The following TEK variants were observed in gnomAD, a reference collection of about 807,000 sequenced individuals.
TEK encodes TEK receptor tyrosine kinase.
TEK carries 43 observed loss-of-function variants against 131.8 expected under a neutral mutation model. The observed-to-expected ratio is 0.33, with a 90% CI of 0.26 to 0.42. The LOEUF (loss-of-function observed/expected upper bound fraction) is 0.42. TEK is among the 10% of genes least tolerant of loss of function. TEK has a pLI of 1.00. For synonymous variants in TEK, 580 were observed against 491.6 expected (o/e 1.18, Z -2.38); for missense variants, 1,162 against 1,384.4 (o/e 0.84, Z 2.55).
Position 27,229,910 on chromosome 9 carries a change from A to C in TEK, c.*678A>C, listed in dbSNP as rs1332478624. On this transcript the variant is annotated 3_prime_UTR_variant, in exon 23 of 23. Transcript: ENST00000380036. The stretch of plus-strand genomic sequence containing the variant: ...TTACAAGCCTAAGAATCTTTAGAGA[A>C]GTATACATAAGTTTAGGATAAAATA... 6.6e-6 allele frequency: 1 copy of C among 152,426 alleles called. No homozygotes were observed. Among genetic ancestry groups the C allele is most frequent in the Non-Finnish European group, 1.5e-5 (1 of 68,182 alleles). 9.4% of individuals were successfully genotyped at this position (152,426 alleles called of 1,614,324 possible).
intron 1 of TEK, among the ~76,000 whole-genome samples, chr9:27,123,191 AGGGAGATGGGGCG>A (rs1341770003): frequency 6.7e-6 from 1 of 149,486 alleles, no homozygotes; most frequent in Non-Finnish European, 1.5e-5. Flanking sequence ...GTGGGAAGGG[AGGGAGATGGGGCG>A]GGTAAGCATA....
At chr9:27,190,452 A>G (rs1293435914) in intron 9 of TEK, 77 bp from the exon 10 acceptor site, 12 of 1,572,000 alleles carry the variant, frequency 7.6e-6, no homozygotes, top group Non-Finnish European at 1.0e-5. Context: ...TGTAAAACAT[A>G]TCTTCTACCT....
intron 1 of TEK, among the ~76,000 whole-genome samples, chr9:27,117,931 C>T (rs1821632629): frequency 6.6e-6 from 1 of 152,176 alleles, no homozygotes; most frequent in Non-Finnish European, 1.5e-5. Flanking sequence ...CCTCCAGATA[C>T]AATAGGCGGA....
intron 1 of TEK, among the ~76,000 whole-genome samples, chr9:27,129,816 C>T (rs753228254): frequency 6.6e-6 from 1 of 152,152 alleles, no homozygotes; most frequent in Non-Finnish European, 1.5e-5. Flanking sequence ...AGACCCTAGA[C>T]CAGGCTCTGG....
intron 2 of TEK, 127 bp from the exon 3 acceptor site, chr9:27,168,368 T>G (rs1389393011): frequency 1.5e-5 from 11 of 731,990 alleles, no homozygotes; most frequent in Admixed American, 6.1e-5. Context: ...ACCACTGTTT[T>G]TCACCTTCCA....
Position 27,229,154 on chromosome 9 carries a change from C to G in TEK, c.3301-4C>G, listed in dbSNP as rs1826460341. 2 of 1,613,618 alleles carry G rather than the reference C, an allele frequency of 1.2e-6. 1 individual carries two copies. Among genetic ancestry groups the G allele is most frequent in the Non-Finnish European group, 1.7e-6 (2 of 1,179,604 alleles). ...ATGTCTCTGAACCATTTTCATTCTTCCAGACCTACGTGAATACCACGCTTT... is the reference window on the plus strand; with the variant it reads ...ATGTCTCTGAACCATTTTCATTCTTGCAGACCTACGTGAATACCACGCTTT... On this transcript the variant is annotated splice_polypyrimidine_tract_variant and splice_region_variant and intron_variant, in intron 22 of 22. Coordinates refer to ENST00000380036, the MANE Select transcript of TEK (RefSeq NM_000459.5).
rs760658410 is a variant in TEK, at chr9:27,218,826, CTA to C, written c.3103+11_3103+12del. On this transcript the variant is annotated intron_variant, in intron 20 of 22. Transcript: ENST00000380036. ...GGAGATTGTTAGCTTAGGTGAGTAT[CTA>C]TGTTTATCTACCAGGTGAGACTCTA... The C allele has an allele frequency of 2.5e-6, 4 of 1,613,496 alleles. No homozygotes were observed. Among genetic ancestry groups the C allele is most frequent in the Admixed American group, 1.7e-5 (1 of 59,998 alleles).
intron 21 of TEK, among the ~76,000 whole-genome samples, chr9:27,222,138 C>CAGAT (rs1193966392): frequency 6.6e-6 from 1 of 152,070 alleles, no homozygotes; most frequent in Non-Finnish European, 1.5e-5. Context: ...GAAAGGATAT[C>CAGAT]AGATACTGAA....
chr9:27,203,124 G>C lies in TEK; in HGVS notation c.2209+5G>C. The C allele has an allele frequency of 6.2e-7, 1 of 1,613,946 alleles. No individual in the cohort carries two copies. The highest frequency in any genetic ancestry group is 8.5e-7 in the Non-Finnish European group (1 of 1,179,914). On this transcript the variant is annotated splice_donor_5th_base_variant and intron_variant, in intron 13 of 22. Transcript: ENST00000380036. ...TGACCCTCCCAGAATCTCAAGGTTG[G>C]TTGAATGGACAAGTATTTACATAGG...
At chr9:27,172,120 T>G (rs2131147579) in intron 4 of TEK, among the ~76,000 whole-genome samples, 1 of 152,248 alleles carries the variant, frequency 6.6e-6, no homozygotes, top group South Asian at 2.1e-4. Flanking sequence ...AATTTCTCAT[T>G]CAGTAGGTCG....
chr9:27,171,375 T>G (rs10812529), intron 4 of TEK, among the ~76,000 whole-genome samples: 114,998 of 152,070 alleles, frequency 0.76, 44,240 homozygotes, highest in South Asian at 0.87. Context: ...CCAAAATGTG[T>G]TGGTCATAAC....
At chr9:27,120,196 C>T (rs7029731) in intron 1 of TEK, among the ~76,000 whole-genome samples, 2,752 of 152,322 alleles carry the variant, frequency 0.018, 100 homozygotes, top group African/African-American at 0.063. Flanking sequence ...TCTCGTGGTT[C>T]TCAGTCCCAC....
At chr9:27,187,332 C>T (rs1824635616) in intron 9 of TEK, among the ~76,000 whole-genome samples, 1 of 152,176 alleles carries the variant, frequency 6.6e-6, no homozygotes, top group Non-Finnish European at 1.5e-5. Flanking sequence ...TTTACAAAAA[C>T]AGATACTAGG....
At chr9:27,198,161 A>G (rs908041020) in intron 12 of TEK, 2 of 167,154 alleles carry the variant, frequency 1.2e-5, no homozygotes, top group African/African-American at 4.8e-5. Context: ...AAGTCTATTC[A>G]TTACTAAACT....
Position 27,229,246 on chromosome 9 carries a change from T to TATACCC in TEK, c.*15_*20dup. 6.2e-7 allele frequency: 1 copy of TATACCC among 1,613,334 alleles called. No homozygotes were observed. The highest frequency in any genetic ancestry group is 1.1e-5 in the South Asian group (1 of 91,078). ...GAAGCGGCCTAGGACAGAACATCTG[T>TATACCC]ATACCCTCTGTTTCCCTTTCACTGG... is the stretch of plus-strand genomic sequence containing the variant. On this transcript the variant is annotated 3_prime_UTR_variant, in exon 23 of 23. Coordinates refer to ENST00000380036, the MANE Select transcript of TEK (RefSeq NM_000459.5).
intron 1 of TEK, among the ~76,000 whole-genome samples, chr9:27,144,993 C>T (rs1424238246): frequency 6.6e-6 from 1 of 152,134 alleles, no homozygotes; most frequent in Non-Finnish European, 1.5e-5. Flanking sequence ...CGACTGTGCA[C>T]ACACTTCTAA....
At chr9:27,122,495 G>A (rs533878891) in intron 1 of TEK, among the ~76,000 whole-genome samples, 1 of 152,272 alleles carries the variant, frequency 6.6e-6, no homozygotes, top group South Asian at 2.1e-4. Context: ...TGAAGAAGGT[G>A]GCAGGGATTA....
intron 21 of TEK, among the ~76,000 whole-genome samples, chr9:27,223,621 T>C (rs904699749): frequency 6.6e-6 from 1 of 152,190 alleles, no homozygotes; most frequent in Non-Finnish European, 1.5e-5. Context: ...TAAAGCAGTG[T>C]GTAGAGGGAA....
chr9:27,160,563 G>A (rs750842202), intron 2 of TEK, among the ~76,000 whole-genome samples: 1 of 152,154 alleles, frequency 6.6e-6, no homozygotes, highest in African/African-American at 2.4e-5. Flanking sequence ...GAATCTGCTC[G>A]ACCATGGACC....
Sources: gnomAD v4.1 joint callset for allele counts (sites outside exome capture counted in the v4.1 genomes callset) on GRCh38, gnomAD v4.1.1 for gene constraint, MANE v1.5 for transcripts, NCBI Gene and HGNC (gene_info 2026-07-23, HGNC 2026-07-21) for gene names.